The following GABBR2 variants were observed in gnomAD, a reference collection of about 807,000 sequenced individuals.
The protein encoded by GABBR2 is G-protein coupled receptor 51.
GABBR2 carries 23 observed loss-of-function variants against 105.6 expected under a neutral mutation model. The ratio of observed to expected loss-of-function variants is 0.22; its 90% CI spans 0.16 to 0.31. GABBR2 has a LOEUF of 0.31. GABBR2 is among the 10% of genes least tolerant of loss of function. The pLI is 1.00. For synonymous variants in GABBR2, 478 were observed against 499.7 expected (o/e 0.96, Z 0.58); for missense variants, 734 against 1,245.5 (o/e 0.59, Z 6.18).
intron 1 of GABBR2, chr9:98,607,928 T>C: frequency 6.9e-7 from 1 of 1,439,808 alleles, no homozygotes; most frequent in Non-Finnish European, 9.6e-7. Context: ...AAAGAAAAAG[T>C]TCAAAACTGA....
intron 3 of GABBR2, among the ~76,000 whole-genome samples, chr9:98,498,742 T>C (rs1827337083): frequency 6.6e-6 from 1 of 152,190 alleles, no homozygotes; most frequent in African/African-American, 2.4e-5. Flanking sequence ...CTCAATTTGA[T>C]GGAAGATTGG....
At chr9:98,500,476 G>A (rs1387691574) in intron 3 of GABBR2, among the ~76,000 whole-genome samples, 3 of 152,192 alleles carry the variant, frequency 2.0e-5, no homozygotes, top group Non-Finnish European at 2.9e-5. Context: ...CTGTGAGCAG[G>A]CACCAACGGC....
chr9:98,604,174 C>T lies in GABBR2; in HGVS notation c.322-26102G>A, dbSNP rs541504218. On this transcript the variant is annotated intron_variant, in intron 1 of 18. Transcript: ENST00000259455. ...TACCAAACCGGAATCTCTAGGGCTG[C>T]TCCATTTTTAATACACATCCCTGAT... 2.2e-4 allele frequency among the ~76,000 whole-genome samples: 34 copies of T among 152,340 alleles called. No individual in the cohort carries two copies. In the South Asian group the frequency reaches 7.1e-3, roughly 32 times the overall value.
At chr9:98,668,883 TTG>T (rs35341252) in intron 1 of GABBR2, among the ~76,000 whole-genome samples, 46,106 of 147,086 alleles carry the variant, frequency 0.31, 7,251 homozygotes, top group East Asian at 0.56. Flanking sequence ...ATATTCCATT[TTG>T]TGTGTGTGTG....
intron 2 of GABBR2, among the ~76,000 whole-genome samples, chr9:98,545,955 A>G (rs1828392784): frequency 6.6e-6 from 1 of 152,158 alleles, no homozygotes; most frequent in African/African-American, 2.4e-5. Context: ...CGCATAACCA[A>G]GTTTGTTTCT....
chr9:98,314,631 C>CT (rs1830686447), intron 13 of GABBR2, among the ~76,000 whole-genome samples: 1 of 152,168 alleles, frequency 6.6e-6, no homozygotes, highest in Admixed American at 6.5e-5. Context: ...GTACACAGTG[C>CT]TTTCACGGAG....
intron 7 of GABBR2, among the ~76,000 whole-genome samples, chr9:98,444,961 A>G (rs979296745): frequency 5.3e-5 from 8 of 152,254 alleles, no homozygotes; most frequent in African/African-American, 1.7e-4. Context: ...GGTAATCACT[A>G]TTAGCAGATT....
chr9:98,342,390 G>C (rs1831228981), intron 13 of GABBR2, among the ~76,000 whole-genome samples: 1 of 152,230 alleles, frequency 6.6e-6, no homozygotes, highest in Middle Eastern at 3.4e-3. Flanking sequence ...GGCTAGGGAG[G>C]CGAGCCAGCC....
chr9:98,579,019 G>A (rs1463524699), intron 1 of GABBR2, among the ~76,000 whole-genome samples: 1 of 152,144 alleles, frequency 6.6e-6, no homozygotes, highest in Non-Finnish European at 1.5e-5. Flanking sequence ...TGATGGAAGT[G>A]TGTTGGAGGT....
At chr9:98,594,974 G>A (rs920484172) in intron 1 of GABBR2, among the ~76,000 whole-genome samples, 1 of 152,298 alleles carries the variant, frequency 6.6e-6, no homozygotes, top group East Asian at 1.9e-4. Context: ...GTCAGAGCCC[G>A]GTTCTCAGGG....
chr9:98,696,570 C>A (rs1830755993), intron 1 of GABBR2, among the ~76,000 whole-genome samples: 2 of 152,178 alleles, frequency 1.3e-5, no homozygotes, highest in Admixed American at 6.5e-5. Context: ...CCTCCTCCCC[C>A]ACGTGCCTTT....
chr9:98,403,690 A>C (rs1832438580), intron 8 of GABBR2, among the ~76,000 whole-genome samples: 1 of 152,054 alleles, frequency 6.6e-6, no homozygotes, highest in Non-Finnish European at 1.5e-5. Flanking sequence ...AATTTGCCCC[A>C]GAAAGGTGTC....
chr9:98,305,170 C>T (rs1830531459), intron 15 of GABBR2, among the ~76,000 whole-genome samples: 2 of 152,138 alleles, frequency 1.3e-5, no homozygotes, highest in African/African-American at 4.8e-5. Flanking sequence ...CTGGCTCACC[C>T]ACCCATTGCA....
chr9:98,500,031 C>A (rs1296166168), intron 3 of GABBR2, among the ~76,000 whole-genome samples: 1 of 152,134 alleles, frequency 6.6e-6, no homozygotes, highest in East Asian at 1.9e-4. Flanking sequence ...CCAGCCTGGG[C>A]AACAGAGCAA....
intron 3 of GABBR2, among the ~76,000 whole-genome samples, chr9:98,536,605 C>T (rs767434673): frequency 1.3e-5 from 2 of 152,094 alleles, no homozygotes; most frequent in Non-Finnish European, 2.9e-5. Flanking sequence ...AGCACTCTGG[C>T]CTCTCAGCTC....
At chr9:98,453,934 G>T in intron 7 of GABBR2, 47 bp downstream of exon 7, 1 of 1,287,562 alleles carries the variant, frequency 7.8e-7, no homozygotes, top group Non-Finnish European at 1.1e-6. Flanking sequence ...TGCTTTGCAT[G>T]TTTACAAGGA....
intron 1 of GABBR2, among the ~76,000 whole-genome samples, chr9:98,581,393 C>T (rs1410385274): frequency 6.6e-6 from 1 of 151,368 alleles, no homozygotes; most frequent in Non-Finnish European, 1.5e-5. Context: ...TACAGATTTT[C>T]GGTAAATAAT....
chr9:98,436,333 C>CATAAATAT (rs1825908573), intron 7 of GABBR2, among the ~76,000 whole-genome samples: 1 of 19,234 alleles, frequency 5.2e-5, no homozygotes, highest in African/African-American at 2.9e-4. Flanking sequence ...TATATATATA[C>CATAAATAT]ACACACACAC....
chr9:98,463,456 C>T (rs1930417), intron 6 of GABBR2, among the ~76,000 whole-genome samples: 3 of 151,822 alleles, frequency 2.0e-5, no homozygotes, highest in Non-Finnish European at 2.9e-5. Flanking sequence ...ACAGTTTTGA[C>T]GAACTAAGAT....
Sources: gnomAD v4.1 joint callset for allele counts (sites outside exome capture counted in the v4.1 genomes callset) on GRCh38, gnomAD v4.1.1 for gene constraint, MANE v1.5 for transcripts, NCBI Gene and HGNC (gene_info 2026-07-23, HGNC 2026-07-21) for gene names.